The following AKR7A3 variants were observed in gnomAD, a reference collection of about 807,000 sequenced individuals.
The protein encoded by AKR7A3 is aldo-keto reductase family 7 member A3.
A neutral mutation model predicts 32.5 loss-of-function variants in AKR7A3; 37 were observed. The ratio of observed to expected loss-of-function variants is 1.14; its 90% CI spans 0.88 to 1.50. The LOEUF is 1.50. Among genes scored for constraint, AKR7A3 ranks in the 40% most tolerant of loss-of-function variants. The pLI is 0.00. For synonymous variants in AKR7A3, 177 were observed against 188.4 expected, an observed-to-expected ratio of 0.94 and a Z score of 0.50; for missense variants, 412 against 453.2, an observed-to-expected ratio of 0.91 and a Z score of 0.83.
chr1:19,277,249 T>C, the AKR7A3 span, among the ~76,000 whole-genome samples: 1 of 151,040 alleles, frequency 6.6e-6, no homozygotes, highest in East Asian at 1.9e-4. Context: ...TGAAAATAAG[T>C]AAATAGGTAA....
chr1:19,274,899 C>CAAAAAAAAAAAAAAAAAAAAAAAA, the AKR7A3 span, among the ~76,000 whole-genome samples: 121 of 44,166 alleles, frequency 2.7e-3, 17 homozygotes, highest in East Asian at 4.3e-3. Context: ...TCTCTAAATA[C>CAAAAAAAAAAAAAAAAAAAAAAAA]AAAAAAAAAA....
At chr1:19,281,661 A>T (rs185619835), downstream of AKR7A3, among the ~76,000 whole-genome samples, 43 of 152,030 alleles carry the variant, frequency 2.8e-4, no homozygotes, top group Admixed American at 1.4e-3. Context: ...AAAAATAAAT[A>T]AAAAAGCCAG....
rs1489610706 is a variant in AKR7A3, at chr1:19,285,183, C to CAT, written c.508-70_508-69insAT. ...AGAAGAGACTTCAAAATTACCCTTC[C>CAT]AGAACCCTTATTTCAGACCTTAACA... On this transcript the variant is annotated intron_variant, in intron 3 of 6. Coordinates refer to ENST00000361640, the MANE Select transcript of AKR7A3 (RefSeq NM_012067.3). 1.9e-5 allele frequency: 28 copies of CAT among 1,443,784 alleles called. 1 individual carries two copies. In the African/African-American group the frequency reaches 3.7e-4, roughly 19 times the overall value. The allele number at this position is 1,443,784 out of a possible 1,614,324, so 89.4% of individuals were successfully genotyped here.
At chr1:19,282,529 G>T, downstream of AKR7A3, 2 of 849,314 alleles carry the variant, frequency 2.4e-6, no homozygotes, top group Non-Finnish European at 3.6e-6. Flanking sequence ...CCCAGTCTCA[G>T]GTATTCTTTT....
Position 19,282,575 on chromosome 1 carries a change from G to C in AKR7A3, c.*156C>G. Reference sequence around the variant, plus strand: ...AAACAGACTAACACACAGCACCCTGGGAGTTTTATTCTTCATTTGGTGGTG... The same window carrying C: ...AAACAGACTAACACACAGCACCCTGCGAGTTTTATTCTTCATTTGGTGGTG... On this transcript the variant is annotated 3_prime_UTR_variant, in exon 7 of 7. Transcript: ENST00000361640. 8.1e-7 allele frequency: 1 copy of C among 1,240,070 alleles called. No individual in the cohort carries two copies. The allele number at this position is 1,240,070 out of a possible 1,614,324, so 76.8% of individuals were successfully genotyped here.
chr1:19,287,692 C>T (rs909269797), intron 1 of AKR7A3, among the ~76,000 whole-genome samples: 11 of 152,192 alleles, frequency 7.2e-5, no homozygotes, highest in Admixed American at 4.6e-4. Flanking sequence ...CCCATGCCCA[C>T]TGCCCTGACG....
At position 19,282,633 on chromosome 1, in the gene AKR7A3, C is replaced by T; in HGVS notation, c.*98G>A. On this transcript the variant is annotated 3_prime_UTR_variant, in exon 7 of 7. Coordinates refer to ENST00000361640, the MANE Select transcript of AKR7A3 (RefSeq NM_012067.3). ...TATTAGGTTTTTGTCCAAATACTTCCATCCCTAAGAATTTACTGAGGCAGT... is the reference window on the plus strand; with the variant it reads ...TATTAGGTTTTTGTCCAAATACTTCTATCCCTAAGAATTTACTGAGGCAGT... 1 of 1,574,442 alleles carries T rather than the reference C, an allele frequency of 6.4e-7. No homozygotes were observed. The highest frequency in any genetic ancestry group is 1.1e-5 in the South Asian group (1 of 87,572).
chr1:19,284,222 C>T, intron 5 of AKR7A3, 97 bp from the exon 6 acceptor site: 2 of 1,473,786 alleles, frequency 1.4e-6, no homozygotes, highest in Non-Finnish European at 1.8e-6. Context: ...CACCCTGCAG[C>T]CCTGAGGGGC....
intron 6 of AKR7A3, 102 bp from the exon 7 acceptor site, chr1:19,282,994 T>C (rs577428216): frequency 4.2e-5 from 60 of 1,443,300 alleles, no homozygotes; most frequent in South Asian, 2.4e-4. Flanking sequence ...ATCTCTTGTA[T>C]CCCATATGTC....
At chr1:19,286,675 A>C (rs911430317) in intron 1 of AKR7A3, among the ~76,000 whole-genome samples, 4 of 151,826 alleles carry the variant, frequency 2.6e-5, no homozygotes, top group Admixed American at 2.6e-4. Context: ...GACTTCTCAA[A>C]AAACAAACAA....
At chr1:19,276,658 C>T in the AKR7A3 span, among the ~76,000 whole-genome samples, 5 of 151,482 alleles carry the variant, frequency 3.3e-5, no homozygotes, top group Non-Finnish European at 7.4e-5. Context: ...AAAAATTAGA[C>T]AGGCATGTTG....
chr1:19,285,100 G>A lies in AKR7A3; in HGVS notation c.522C>T (p.Ala174=), dbSNP rs767090713. The A allele has an allele frequency of 1.2e-6, 2 of 1,613,504 alleles. No homozygotes were observed. Among genetic ancestry groups the A allele is most frequent in the East Asian group, 2.2e-5 (1 of 44,892 alleles). ...LPTVYQGMYN[A]ITRQVETELF... ...GCTCCGTTTCCACCTGCCGGGTGAT[G>A]GCATTGTACATGCCCTGTAAGGAGA... Residue 174 remains alanine, a synonymous_variant, in exon 4 of 7, where the codon GCC becomes GCT. Transcript: ENST00000361640.
chr1:19,274,899 C>CAAAAAAAA, the AKR7A3 span, among the ~76,000 whole-genome samples: 824 of 44,184 alleles, frequency 0.019, 79 homozygotes, highest in South Asian at 0.052. Context: ...TCTCTAAATA[C>CAAAAAAAA]AAAAAAAAAA....
chr1:19,284,905 G>A lies in AKR7A3; in HGVS notation c.604+113C>T, dbSNP rs367585900. Reference sequence around the variant, plus strand: ...GGAGGGCTGAAGATGCAGCCTTTACGTCTTTGACCTCAGAGGTCAAAGTTT... The same window carrying A: ...GGAGGGCTGAAGATGCAGCCTTTACATCTTTGACCTCAGAGGTCAAAGTTT... On this transcript the variant is annotated intron_variant, in intron 4 of 6. Transcript: ENST00000361640. 1.5e-4 allele frequency: 235 copies of A among 1,569,102 alleles called. 1 individual carries two copies. The East Asian group carries it at 3.3e-3, about 22-fold the overall frequency.
At position 19,282,684 on chromosome 1, in the gene AKR7A3, C is replaced by G. The variant is rs773057335; in HGVS notation, c.*47G>C. On this transcript the variant is annotated 3_prime_UTR_variant, in exon 7 of 7. Transcript: ENST00000361640. ...TCTAAATTAAAGAAAATGTGAGTAACAAAAGATGTTACAGAAGAGCCTTGG... is the reference window on the plus strand; with the variant it reads ...TCTAAATTAAAGAAAATGTGAGTAAGAAAAGATGTTACAGAAGAGCCTTGG... 6.2e-7 allele frequency: 1 copy of G among 1,613,602 alleles called. No homozygotes were observed.
chr1:19,281,972 T>C (rs1194128976), downstream of AKR7A3, among the ~76,000 whole-genome samples: 1 of 151,980 alleles, frequency 6.6e-6, no homozygotes, highest in Non-Finnish European at 1.5e-5. Context: ...TGTTTGATTA[T>C]ACAGGTTCAT....
At chr1:19,275,192 C>A in the AKR7A3 span, among the ~76,000 whole-genome samples, 1 of 151,128 alleles carries the variant, frequency 6.6e-6, no homozygotes, top group Non-Finnish European at 1.5e-5. Flanking sequence ...GGGTGGATCA[C>A]CTGAGGTCAA....
rs751973144 is a variant in AKR7A3 at position 19,286,312 on chromosome 1, C to T, written c.275G>A (p.Arg92Gln). ...FGNSLKPDSL[R>Q]FQLETSLKRL... ...CTTCAGTGACGTCTCCAGCTGGAACCGGAGACTGTCAGGCTTCAGGGAGTT... is the reference window on the plus strand; with the variant it reads ...CTTCAGTGACGTCTCCAGCTGGAACTGGAGACTGTCAGGCTTCAGGGAGTT... Residue 92 changes from arginine to glutamine, a missense_variant, in exon 2 of 7, where the codon CGG becomes CAG. Physicochemically the swap from Arg to Gln is conservative, Grantham distance 43. Coordinates refer to ENST00000361640, the MANE Select transcript of AKR7A3 (RefSeq NM_012067.3). The T allele has an allele frequency of 7.4e-6, 12 of 1,613,906 alleles. No homozygotes were observed. Among genetic ancestry groups the T allele is most frequent in the Admixed American group, 1.7e-5 (1 of 60,022 alleles).
At position 19,282,703 on chromosome 1, in the gene AKR7A3, G is replaced by T; in HGVS notation, c.*28C>A. ...GAGTAACAAAAGATGTTACAGAAGA[G>T]CCTTGGGCAGCCTGAGAAACGATGG... On this transcript the variant is annotated 3_prime_UTR_variant, in exon 7 of 7. Transcript: ENST00000361640. 6.2e-7 allele frequency: 1 copy of T among 1,613,834 alleles called. No homozygotes were observed. The highest frequency in any genetic ancestry group is 8.5e-7 in the Non-Finnish European group (1 of 1,180,036).
Sources: allele counts gnomAD v4.1 joint callset (sites outside exome capture counted in the v4.1 genomes callset), GRCh38; gene constraint gnomAD v4.1.1; transcripts MANE v1.5; gene names NCBI Gene and HGNC (gene_info 2026-07-23, HGNC 2026-07-21).